Variants in RPL23A observed in about 807,000 individuals in gnomAD.
RPL23A encodes large ribosomal subunit protein uL23.
A neutral mutation model predicts 17.6 loss-of-function variants in RPL23A; 2 were observed. The observed-to-expected ratio is 0.11, with a 90% CI of 0.05 to 0.36. The LOEUF is 0.36. Ranked by LOEUF, RPL23A falls within the 10% of genes least tolerant of loss-of-function variation. The pLI, the probability that RPL23A is intolerant of heterozygous loss-of-function variation, is 1.00. For synonymous variants in RPL23A, 65 were observed against 74.3 expected (o/e 0.87, Z 0.65); for missense variants, 132 against 194.4 (o/e 0.68, Z 1.91).
Position 28,720,027 on chromosome 17 carries a change from G to C in RPL23A, c.22G>C (p.Glu8Gln), listed in dbSNP as rs557459539. The change falls in exon 1 of 5, where the codon GAA becomes CAA. Residue 8 changes from glutamate (E) to glutamine (Q), a missense_variant. Coordinates refer to ENST00000422514, the MANE Select transcript of RPL23A (RefSeq NM_000984.6). MAPKAKKEAPAPPKAEAK... is the reference protein window; with the variant it reads MAPKAKKQAPAPPKAEAK... The stretch of plus-strand genomic sequence containing the variant: ...CAAGATGGCGCCGAAAGCGAAGAAG[G>C]AAGGTGTGTGTTGGTGATGGGGCCG... The C allele has an allele frequency of 1.9e-6, 3 of 1,551,884 alleles. No individual in the cohort carries two copies. The highest frequency in any genetic ancestry group is 4.9e-5 in the East Asian group (2 of 40,936).
intron 2 of RPL23A, chr17:28,721,287 G>A (rs2034110158): frequency 5.0e-6 from 1 of 198,144 alleles, no homozygotes; most frequent in African/African-American, 2.3e-5. Context: ...CCGGGAGGTG[G>A]AGGTTGCGGT....
intron 1 of RPL23A, chr17:28,720,370 G>A (rs1332200753): frequency 1.3e-6 from 2 of 1,560,848 alleles, no homozygotes; most frequent in Non-Finnish European, 1.7e-6. Context: ...TTTCCTTCTG[G>A]TTCATGTTCA....
chr17:28,723,931 A>T lies in RPL23A; in HGVS notation c.*50A>T. On this transcript the variant is annotated 3_prime_UTR_variant, in exon 5 of 5. Transcript: ENST00000422514. ...AATATATATATATATATATCTTTTC[A>T]CCATATACATGCCTGTCTGTCAATT... The T allele has an allele frequency of 1.5e-6, 2 of 1,298,672 alleles. No individual in the cohort carries two copies. The highest frequency in any genetic ancestry group is 2.1e-6 in the Non-Finnish European group (2 of 936,534). 80.4% of individuals were successfully genotyped at this position (1,298,672 alleles called of 1,614,324 possible).
rs537262930 is a variant in RPL23A at position 28,720,521 on chromosome 17, T to TA, written c.26-185dup. The stretch of plus-strand genomic sequence containing the variant: ...TCATAGTCGTATCCCTGGAGTTACT[T>TA]AGAGTTGGTCGCTTTCGCCTCTGGT... On this transcript the variant is annotated intron_variant, in intron 1 of 4. Coordinates refer to ENST00000422514, the MANE Select transcript of RPL23A (RefSeq NM_000984.6). 3.5e-4 allele frequency: 535 copies of TA among 1,513,106 alleles called. 3 individuals are homozygous for TA. The East Asian group carries it at 8.1e-3, about 23-fold the overall frequency. The allele number at this position is 1,513,106 out of a possible 1,614,324, so 93.7% of individuals were successfully genotyped here.
At chr17:28,723,079 T>A (rs560054185) in intron 3 of RPL23A, among the ~76,000 whole-genome samples, 180 bp downstream of exon 3, 1 of 150,398 alleles carries the variant, frequency 6.6e-6, no homozygotes, top group African/African-American at 2.5e-5. Context: ...TGCCCCATTG[T>A]ACTCCAGCCT....
chr17:28,720,660 A>G lies in RPL23A; in HGVS notation c.26-47A>G, dbSNP rs201553904. ...ACTGCAGTTCTTGGGGCCGGAAGTG[A>G]CCGATTTCTAAATCCCGCACCCACG... On this transcript the variant is annotated intron_variant, in intron 1 of 4. Coordinates refer to ENST00000422514, the MANE Select transcript of RPL23A (RefSeq NM_000984.6). 114 of 1,605,232 alleles carry G rather than the reference A, an allele frequency of 7.1e-5. No individual in the cohort carries two copies. In the East Asian group the frequency reaches 2.4e-3, roughly 34 times the overall value.
chr17:28,720,157 CG>C (rs777414001), intron 1 of RPL23A, 127 bp downstream of exon 1: 55 of 1,528,138 alleles, frequency 3.6e-5, no homozygotes, highest in Non-Finnish European at 4.5e-5. Flanking sequence ...CCCTGCGTTT[CG>C]GACACGCTGC....
chr17:28,720,247 C>T (rs757723603), intron 1 of RPL23A: 46 of 1,540,788 alleles, frequency 3.0e-5, no homozygotes, highest in Non-Finnish European at 9.7e-6. Context: ...ACGCGGCAGG[C>T]ATCATCCGCC....
intron 3 of RPL23A, 179 bp from the exon 4 acceptor site, chr17:28,723,392 A>G (rs752167456): frequency 5.2e-6 from 4 of 767,280 alleles, no homozygotes; most frequent in East Asian, 2.4e-5. Context: ...GGTGTTTCCC[A>G]TAAGAGAATT....
rs1392663560 is a variant in RPL23A at position 28,720,532 on chromosome 17, G to A, written c.26-175G>A. 4 of 1,461,680 alleles carry A rather than the reference G, an allele frequency of 2.7e-6. No homozygotes were observed. In the South Asian group the frequency reaches 3.4e-5, roughly 12 times the overall value. 90.5% of individuals were successfully genotyped at this position (1,461,680 alleles called of 1,614,324 possible). A position where few individuals can be genotyped will look rare whatever the true frequency, so the allele number is the denominator to read the frequency against. On this transcript the variant is annotated intron_variant, in intron 1 of 4. Transcript: ENST00000422514. ...TCCCTGGAGTTACTTAGAGTTGGTCGCTTTCGCCTCTGGTATCGTGCATAT... is the reference window on the plus strand; with the variant it reads ...TCCCTGGAGTTACTTAGAGTTGGTCACTTTCGCCTCTGGTATCGTGCATAT...
At chr17:28,722,930 G>C (rs1000673498) in intron 3 of RPL23A, 31 bp downstream of exon 3, 1 of 1,600,004 alleles carries the variant, frequency 6.2e-7, no homozygotes, top group Non-Finnish European at 8.6e-7. Context: ...TGGGGAGCAG[G>C]CTGGACCAGC....
At position 28,720,004 on chromosome 17, in the gene RPL23A, A is replaced by G; in HGVS notation, c.-2A>G. ...ACGAGCATTGGAGACCCTTTTCACA[A>G]GATGGCGCCGAAAGCGAAGAAGGAA... is the stretch of plus-strand genomic sequence containing the variant. On this transcript the variant is annotated 5_prime_UTR_variant, in exon 1 of 5. Coordinates refer to ENST00000422514, the MANE Select transcript of RPL23A (RefSeq NM_000984.6). The G allele has an allele frequency of 6.4e-7, 1 of 1,551,942 alleles. No individual in the cohort carries two copies. The highest frequency in any genetic ancestry group is 8.7e-7 in the Non-Finnish European group (1 of 1,147,086).
intron 3 of RPL23A, 164 bp from the exon 4 acceptor site, chr17:28,723,407 T>A (rs745684681): frequency 1.3e-6 from 1 of 773,446 alleles, no homozygotes; most frequent in Non-Finnish European, 2.4e-6. Context: ...AGAATTGGCT[T>A]TGTGGCTTCA....
At chr17:28,723,211 GAGGCAGGAATTAC>G in intron 3 of RPL23A, 3 of 529,654 alleles carry the variant, frequency 5.7e-6, no homozygotes, top group Non-Finnish European at 6.8e-6. Context: ...TGTGAGCCTT[GAGGCAGGAATTAC>G]AGGCTGCTTT....
intron 2 of RPL23A, chr17:28,721,236 C>T: frequency 4.3e-6 from 1 of 233,722 alleles, no homozygotes; most frequent in Non-Finnish European, 8.7e-6. Flanking sequence ...TCTGTAATCC[C>T]AGCTACTCGC....
At chr17:28,722,249 A>G (rs78771668) in intron 2 of RPL23A, among the ~76,000 whole-genome samples, 1 of 148,806 alleles carries the variant, frequency 6.7e-6, no homozygotes, top group Non-Finnish European at 1.5e-5. Flanking sequence ...CTGTCTCAAA[A>G]AAAAAAAAAA....
chr17:28,723,448 C>A (rs1219115046), intron 3 of RPL23A, 123 bp from the exon 4 acceptor site: 2 of 818,860 alleles, frequency 2.4e-6, no homozygotes, highest in Non-Finnish European at 4.4e-6. Context: ...ATGGAAAAAT[C>A]ATTATTGGAA....
intron 2 of RPL23A, 184 bp downstream of exon 2, chr17:28,721,074 G>A (rs1285607424): frequency 2.8e-5 from 16 of 567,592 alleles, no homozygotes; most frequent in Middle Eastern, 3.9e-4. Context: ...CCCAGAGGCC[G>A]GGCGCGGTGG....
At chr17:28,722,623 A>G (rs1221009159) in intron 2 of RPL23A, 100 bp from the exon 3 acceptor site, 1 of 995,872 alleles carries the variant, frequency 1.0e-6, no homozygotes, top group East Asian at 2.4e-5. Context: ...AGTCTGAACA[A>G]AGTGATTGGT....
Sources: gnomAD v4.1 joint callset for allele counts (sites outside exome capture counted in the v4.1 genomes callset) on GRCh38, gnomAD v4.1.1 for gene constraint, MANE v1.5 for transcripts, NCBI Gene and HGNC (gene_info 2026-07-23, HGNC 2026-07-21) for gene names.